Variants in NRXN3 observed in about 807,000 individuals in gnomAD.
The protein encoded by NRXN3 is neurexin III.
A neutral mutation model predicts 137.6 loss-of-function variants in NRXN3; 32 were observed. The ratio of observed to expected loss-of-function variants is 0.23; its 90% CI spans 0.18 to 0.31. The LOEUF (loss-of-function observed/expected upper bound fraction) is 0.31, where lower values mean the gene tolerates loss of function less well. NRXN3 is among the 10% of genes least tolerant of loss of function. The pLI, the probability that NRXN3 is intolerant of heterozygous loss-of-function variation, is 1.00. For synonymous variants in NRXN3, 798 were observed against 784.5 expected, an observed-to-expected ratio of 1.02 and a Z score of -0.29; for missense variants, 1,574 against 2,062.5, an observed-to-expected ratio of 0.76 and a Z score of 4.59.
intron 20 of NRXN3, among the ~76,000 whole-genome samples, chr14:79,842,141 G>A (rs1437826546): frequency 1.3e-5 from 2 of 152,294 alleles, no homozygotes; most frequent in South Asian, 2.1e-4. Context: ...TATGTGCCTG[G>A]CGCTGTTCTG....
chr14:79,839,686 C>G (rs1222818527), intron 20 of NRXN3, among the ~76,000 whole-genome samples: 2 of 152,028 alleles, frequency 1.3e-5, no homozygotes, highest in Non-Finnish European at 2.9e-5. Context: ...TTGCTTATGC[C>G]TTTAAGGTCT....
At chr14:78,325,274 G>A (rs2079919312) in intron 4 of NRXN3, among the ~76,000 whole-genome samples, 1 of 151,938 alleles carries the variant, frequency 6.6e-6, no homozygotes, top group South Asian at 2.1e-4. Flanking sequence ...CTGAGCCATG[G>A]TGGTCCTTAT....
chr14:78,725,690 G>T (rs2098479800), intron 8 of NRXN3, among the ~76,000 whole-genome samples: 1 of 152,136 alleles, frequency 6.6e-6, no homozygotes. Flanking sequence ...GATTGTGGGG[G>T]GTGACTCTTT....
chr14:79,406,555 G>A (rs902958287), intron 15 of NRXN3, among the ~76,000 whole-genome samples: 4 of 151,702 alleles, frequency 2.6e-5, no homozygotes, highest in African/African-American at 7.3e-5. Context: ...CACCCTCCTC[G>A]GCCTCTTAAA....
intron 16 of NRXN3, among the ~76,000 whole-genome samples, chr14:79,519,071 G>T (rs138592918): frequency 7.4e-4 from 112 of 152,064 alleles, no homozygotes; most frequent in African/African-American, 2.6e-3. Flanking sequence ...TTTTTCTAAG[G>T]GTGGCTCAGG....
chr14:79,653,449 G>A (rs1045287304), intron 16 of NRXN3, among the ~76,000 whole-genome samples: 5 of 152,092 alleles, frequency 3.3e-5, no homozygotes, highest in African/African-American at 1.2e-4. Context: ...TTTTCCAAAC[G>A]AAATGTGATA....
intron 16 of NRXN3, among the ~76,000 whole-genome samples, chr14:79,615,841 TGGGTGGG>T (rs2098148415): frequency 1.3e-5 from 2 of 152,176 alleles, no homozygotes; most frequent in Non-Finnish European, 2.9e-5. Flanking sequence ...AGATGAGATT[TGGGTGGG>T]GACACAGCCA....
rs1437012690 is a variant in NRXN3, at chr14:78,926,921, ATATATAATATATT to A, written c.2276-30314_2276-30302del. 8.3e-3 allele frequency among the ~76,000 whole-genome samples: 246 copies of A among 29,758 alleles called. 8 individuals carry two copies. The highest frequency in any genetic ancestry group is 0.015 in the Middle Eastern group (1 of 66). 19.5% of individuals were successfully genotyped at this position (29,758 alleles called of 152,430 possible). ...ATATAATATATATAATATATATATAATATATAATATATTTATATATATATATAATATATATAAT... is the reference window on the plus strand; with the variant it reads ...ATATAATATATATAATATATATATAATATATATATATATAATATATATAAT... On this transcript the variant is annotated intron_variant, in intron 10 of 20. Coordinates refer to ENST00000335750, the MANE Select transcript of NRXN3 (RefSeq NM_001330195.2).
intron 4 of NRXN3, among the ~76,000 whole-genome samples, chr14:78,321,102 G>A (rs1267940470): frequency 6.6e-6 from 1 of 151,122 alleles, no homozygotes; most frequent in African/African-American, 2.5e-5. Context: ...GTGACTGAGC[G>A]AGACTTCATT....
At chr14:79,386,464 A>G (rs1002464064) in intron 15 of NRXN3, among the ~76,000 whole-genome samples, 1 of 152,160 alleles carries the variant, frequency 6.6e-6, no homozygotes, top group African/African-American at 2.4e-5. Flanking sequence ...ATACAAACAA[A>G]TGGAAGAACA....
At chr14:78,461,330 C>A (rs1457177031) in intron 4 of NRXN3, among the ~76,000 whole-genome samples, 1 of 151,684 alleles carries the variant, frequency 6.6e-6, no homozygotes, top group Non-Finnish European at 1.5e-5. Flanking sequence ...AAGAGGTAGG[C>A]CTTGTTCAGA....
intron 6 of NRXN3, among the ~76,000 whole-genome samples, chr14:78,682,836 C>T (rs2098089345): frequency 6.6e-6 from 1 of 152,146 alleles, no homozygotes; most frequent in African/African-American, 2.4e-5. Flanking sequence ...GGGTTCCAAG[C>T]CCATGGTTAT....
intron 2 of NRXN3, among the ~76,000 whole-genome samples, chr14:78,254,284 A>C (rs930500653): frequency 2.0e-5 from 3 of 152,122 alleles, no homozygotes; most frequent in African/African-American, 4.8e-5. Flanking sequence ...TCAGTGCCTC[A>C]TTTTATCAAC....
chr14:79,509,565 GTA>G lies in NRXN3; in HGVS notation c.3444+42173_3444+42174del, dbSNP rs998051406. Among the ~76,000 whole-genome samples, 8 of 150,436 alleles carry G rather than the reference GTA, an allele frequency of 5.3e-5. No homozygotes were observed. The South Asian group carries it at 6.3e-4, about 12-fold the overall frequency. ...TATGTGTGTGTGTGTGTGCATGTATGTATATATATATGTGTGTATATATGTAT... is the reference window on the plus strand; with the variant it reads ...TATGTGTGTGTGTGTGTGCATGTATGTATATATATGTGTGTATATATGTAT... On this transcript the variant is annotated intron_variant, in intron 16 of 20. Coordinates refer to ENST00000335750, the MANE Select transcript of NRXN3 (RefSeq NM_001330195.2).
At chr14:79,079,426 C>G (rs770859113) in intron 15 of NRXN3, among the ~76,000 whole-genome samples, 6 of 151,976 alleles carry the variant, frequency 3.9e-5, no homozygotes, top group Admixed American at 6.6e-5. Context: ...TTAGACAAAC[C>G]AAAAGTGTAT....
At chr14:78,335,451 T>C (rs969748344) in intron 4 of NRXN3, among the ~76,000 whole-genome samples, 1 of 152,246 alleles carries the variant, frequency 6.6e-6, no homozygotes, top group Admixed American at 6.5e-5. Context: ...TGAGCCAGGC[T>C]CCCTTTCTGT....
chr14:79,206,276 T>C (rs570100837), intron 15 of NRXN3, among the ~76,000 whole-genome samples: 1 of 152,330 alleles, frequency 6.6e-6, no homozygotes, highest in South Asian at 2.1e-4. Context: ...GTATTAATCC[T>C]TACAAGGGCC....
intron 4 of NRXN3, among the ~76,000 whole-genome samples, chr14:78,488,703 AAG>A (rs552367538): frequency 1.7e-4 from 26 of 151,252 alleles, no homozygotes; most frequent in African/African-American, 5.6e-4. Flanking sequence ...AGATGAAAGA[AAG>A]AGGGAGATGG....
At chr14:78,913,277 T>TCTTTTTTC (rs60794797) in intron 10 of NRXN3, among the ~76,000 whole-genome samples, 1 of 122,474 alleles carries the variant, frequency 8.2e-6, no homozygotes, top group East Asian at 2.3e-4. Flanking sequence ...TTTCTTTCTT[T>TCTTTTTTC]TTTTTTTTTT....
Sources: gnomAD v4.1 joint callset for allele counts (sites outside exome capture counted in the v4.1 genomes callset) on GRCh38, gnomAD v4.1.1 for gene constraint, MANE v1.5 for transcripts, NCBI Gene and HGNC (gene_info 2026-07-23, HGNC 2026-07-21) for gene names.